FAM228B: variants seen among roughly 807,000 people sequenced by gnomAD.
FAM228B encodes protein FAM228B.
In FAM228B, 38 loss-of-function variants were observed where a neutral mutation model predicts 42.6. The ratio of observed to expected loss-of-function variants is 0.89; its 90% confidence interval spans 0.69 to 1.17. The LOEUF is 1.17. Among genes scored for constraint, FAM228B ranks in the 50% most tolerant of loss-of-function variants. The probability of loss-of-function intolerance (pLI) is 0.00; values close to 1 mark genes in which losing one functional copy is unlikely to be tolerated. For synonymous variants in FAM228B, 109 were observed against 122.3 expected, an observed-to-expected ratio of 0.89 and a Z score of 0.72; for missense variants, 344 against 367.3, an observed-to-expected ratio of 0.94 and a Z score of 0.52.
At chr2:24,115,788 A>C (rs1665895786) in intron 3 of FAM228B, among the ~76,000 whole-genome samples, 1 of 151,988 alleles carries the variant, frequency 6.6e-6, no homozygotes, top group African/African-American at 2.4e-5. Context: ...TCCTGCCCTC[A>C]TGGAGTTCAC....
At chr2:24,164,562 AGCC>A (rs1249760193) in intron 9 of FAM228B, among the ~76,000 whole-genome samples, 15 of 8,490 alleles carry the variant, frequency 1.8e-3, no homozygotes, top group Non-Finnish European at 0.016. Context: ...CCCCTGGTGG[AGCC>A]ACACGATGAG....
At chr2:24,103,950 G>T (rs1450977689) in intron 3 of FAM228B, among the ~76,000 whole-genome samples, 1 of 152,216 alleles carries the variant, frequency 6.6e-6, no homozygotes, top group Non-Finnish European at 1.5e-5. Flanking sequence ...CGATTGAGAT[G>T]AATTGGGGGT....
chr2:24,132,149 T>C (rs1271831185), intron 2 of FAM228B, among the ~76,000 whole-genome samples: 1 of 152,242 alleles, frequency 6.6e-6, no homozygotes, highest in Non-Finnish European at 1.5e-5. Flanking sequence ...TTTGCATATG[T>C]GGAACCAGCC....
At chr2:24,090,022 C>T (rs1483283699) in intron 2 of FAM228B, among the ~76,000 whole-genome samples, 2 of 150,222 alleles carry the variant, frequency 1.3e-5, no homozygotes, top group African/African-American at 4.9e-5. Flanking sequence ...GCCTGTAATC[C>T]CAGCACTTTG....
At chr2:24,155,523 ATATATATATT>A (rs1667116160) in intron 7 of FAM228B, among the ~76,000 whole-genome samples, 3 of 25,872 alleles carry the variant, frequency 1.2e-4, no homozygotes, top group African/African-American at 2.7e-4. Flanking sequence ...ATATATATAT[ATATATATATT>A]TTTTTTTTTT....
chr2:24,113,214 T>G (rs1439061442), intron 3 of FAM228B, among the ~76,000 whole-genome samples: 1 of 152,192 alleles, frequency 6.6e-6, no homozygotes, highest in Non-Finnish European at 1.5e-5. Context: ...AATACACTTA[T>G]TTAACGTTCT....
chr2:24,121,252 G>T, upstream of FAM228B: 1 of 1,614,142 alleles, frequency 6.2e-7, no homozygotes, highest in Non-Finnish European at 8.5e-7. Flanking sequence ...GCTTGCAAAG[G>T]GTTCTTGGCA....
chr2:24,113,648 G>A (rs1374221879), intron 3 of FAM228B, among the ~76,000 whole-genome samples: 2 of 152,098 alleles, frequency 1.3e-5, no homozygotes, highest in Admixed American at 6.6e-5. Flanking sequence ...AGGCGGAGGC[G>A]GGTGGATCAC....
intron 7 of FAM228B, among the ~76,000 whole-genome samples, chr2:24,156,773 C>T (rs796935704): frequency 0.022 from 120 of 5,366 alleles, 3 homozygotes; most frequent in African/African-American, 0.026. Flanking sequence ...CATTTCTTTC[C>T]GCCCCCCCCC....
At position 24,084,464 on chromosome 2, in the gene FAM228B, G is replaced by T. The variant is rs1182410288; in HGVS notation, c.-210+3509G>T. 1 of 1,132,252 alleles carries T rather than the reference G, an allele frequency of 8.8e-7. No individual in the cohort carries two copies. Among genetic ancestry groups the T allele is most frequent in the Non-Finnish European group, 1.2e-6 (1 of 853,796 alleles). 70.1% of individuals were successfully genotyped at this position (1,132,252 alleles called of 1,614,324 possible). A position where few individuals can be genotyped will look rare whatever the true frequency, so the allele number is the denominator to read the frequency against. On this transcript the variant is annotated intron_variant, in intron 2 of 10. Coordinates refer to the FAM228B transcript ENST00000613899. The surrounding 1 kb of genome is among the most constrained non-coding windows in gnomAD (Gnocchi z 8.4). ...AGCAGCCCAGCCTCAGGCTGGCACC[G>T]CAGCGCCCCCTGCCGGCCAGCGCCT...
intron 2 of FAM228B, among the ~76,000 whole-genome samples, chr2:24,124,710 GC>G (rs1369488894): frequency 6.6e-6 from 1 of 151,970 alleles, no homozygotes; most frequent in Non-Finnish European, 1.5e-5. Flanking sequence ...TTGAGGTACT[GC>G]CTTAGCTGCA....
Position 24,080,115 on chromosome 2 carries a change from G to C in FAM228B, c.-289-761G>C, listed in dbSNP as rs1664933619. On this transcript the variant is annotated intron_variant, in intron 1 of 10. Transcript: ENST00000613899. This position sits in a 1 kb window ranked among gnomAD's most constrained non-coding sequence, Gnocchi z 4.7. ...CTCATGCCTGTAATCCCAGTACTTT[G>C]GGAGGCTGAGGCAGGTGGATCACCT... Among the ~76,000 whole-genome samples the C allele has an allele frequency of 6.6e-6, 1 of 152,128 alleles. No individual in the cohort carries two copies. The highest frequency in any genetic ancestry group is 1.5e-5 in the Non-Finnish European group (1 of 68,012).
chr2:24,113,625 C>T (rs1665836225), intron 3 of FAM228B, among the ~76,000 whole-genome samples: 1 of 151,910 alleles, frequency 6.6e-6, no homozygotes, highest in East Asian at 1.9e-4. Flanking sequence ...GCCTGTAATC[C>T]CACCACTTTG....
chr2:24,123,606 G>T (rs1385690428), intron 1 of FAM228B, 73 bp downstream of exon 1: 1 of 151,996 alleles, frequency 6.6e-6, no homozygotes, highest in African/African-American at 2.4e-5. Context: ...CGGCTCCGGG[G>T]TCGTCGGGCC....
At chr2:24,144,305 C>T (rs184885546) in intron 5 of FAM228B, among the ~76,000 whole-genome samples, 6 of 152,004 alleles carry the variant, frequency 3.9e-5, no homozygotes, top group South Asian at 4.1e-4. Flanking sequence ...CTGGACATGG[C>T]GCACACCTGT....
intron 3 of FAM228B, among the ~76,000 whole-genome samples, chr2:24,112,039 A>T (rs1400815000): frequency 2.6e-5 from 4 of 152,228 alleles, no homozygotes; most frequent in Non-Finnish European, 5.9e-5. Flanking sequence ...TCTAAACTGT[A>T]ATATTACTTA....
At chr2:24,147,944 A>G (rs1211233189) in intron 7 of FAM228B, among the ~76,000 whole-genome samples, 1 of 135,250 alleles carries the variant, frequency 7.4e-6, no homozygotes, top group Non-Finnish European at 1.6e-5. Context: ...CATGTCTTGT[A>G]ATTTTTTATT....
At position 24,134,430 on chromosome 2, in the gene FAM228B, T is replaced by TG. The variant is rs1666529134; in HGVS notation, c.100-687dup. 3.3e-5 allele frequency among the ~76,000 whole-genome samples: 5 copies of TG among 152,340 alleles called. No homozygotes were observed. In the South Asian group the frequency reaches 1.0e-3, roughly 32 times the overall value. On this transcript the variant is annotated intron_variant, in intron 2 of 10. Coordinates refer to ENST00000615575, the MANE Select transcript of FAM228B (RefSeq NM_001145710.2). ...TAACTAGTTCTGTAAGAATCAAGGC[T>TG]GGAAGATTAGTATGTCTTGCATAGT...
chr2:24,086,934 A>G (rs954831261), intron 2 of FAM228B, among the ~76,000 whole-genome samples: 1 of 152,226 alleles, frequency 6.6e-6, no homozygotes, highest in Non-Finnish European at 1.5e-5. Flanking sequence ...AAAAATCGAC[A>G]CTAAAACTGA....
Sources: allele counts gnomAD v4.1 joint callset (sites outside exome capture counted in the v4.1 genomes callset), GRCh38; gene constraint gnomAD v4.1.1; non-coding constraint Gnocchi (gnomAD v3.1); transcripts MANE v1.5; gene names NCBI Gene and HGNC (gene_info 2026-07-23, HGNC 2026-07-21).